PLEK: variants seen among roughly 807,000 people sequenced by gnomAD.
PLEK encodes the protein platelet 47 kDa protein.
In PLEK, 25 loss-of-function variants were observed where a neutral mutation model predicts 43.9. The ratio of observed to expected loss-of-function variants is 0.57; its 90% CI spans 0.41 to 0.79. PLEK has a LOEUF of 0.79. Ranked by LOEUF, PLEK falls within the 30% of genes least tolerant of loss-of-function variation. The probability of loss-of-function intolerance (pLI) is 0.00; values close to 1 mark genes in which losing one functional copy is unlikely to be tolerated. For synonymous variants in PLEK, 152 were observed against 144.4 expected (o/e 1.05, Z -0.38); for missense variants, 396 against 413.3 (o/e 0.96, Z 0.36).
chr2:68,373,852 T>C (rs1673454027), intron 1 of PLEK, among the ~76,000 whole-genome samples: 1 of 152,232 alleles, frequency 6.6e-6, no homozygotes, highest in Non-Finnish European at 1.5e-5. Flanking sequence ...TATTTCCAGG[T>C]ATTTTTAAAA....
chr2:68,371,339 T>C (rs939964796), intron 1 of PLEK, among the ~76,000 whole-genome samples: 1 of 152,202 alleles, frequency 6.6e-6, no homozygotes, highest in Non-Finnish European at 1.5e-5. Flanking sequence ...CTTTATGGGC[T>C]AAAACCTAGT....
intron 3 of PLEK, 112 bp from the exon 4 acceptor site, chr2:68,382,430 G>C: frequency 1.6e-6 from 1 of 642,408 alleles, no homozygotes. Context: ...CCTGGGGTGG[G>C]GGAGCTTGTG....
chr2:68,374,976 T>C (rs1047026634), intron 1 of PLEK, among the ~76,000 whole-genome samples: 16 of 152,228 alleles, frequency 1.1e-4, no homozygotes, highest in Admixed American at 6.5e-4. Flanking sequence ...CTGGCTATGA[T>C]GAATAAAGGT....
intron 6 of PLEK, among the ~76,000 whole-genome samples, chr2:68,392,856 A>C (rs1306692601): frequency 6.8e-6 from 1 of 147,204 alleles, no homozygotes; most frequent in Non-Finnish European, 1.5e-5. Context: ...AAACCTCTTT[A>C]TTCCCCCTAC....
At chr2:68,371,694 A>G (rs72892072) in intron 1 of PLEK, among the ~76,000 whole-genome samples, 3,524 of 152,304 alleles carry the variant, frequency 0.023, 68 homozygotes, top group Admixed American at 0.069. Context: ...ATCCAGCTCC[A>G]GAGCCCATGG....
At chr2:68,394,324 C>G in intron 8 of PLEK, 148 bp downstream of exon 8, 1 of 659,662 alleles carries the variant, frequency 1.5e-6, no homozygotes, top group Non-Finnish European at 2.8e-6. Context: ...GTAATCCCGG[C>G]ACTTTGGGAG....
intron 1 of PLEK, among the ~76,000 whole-genome samples, chr2:68,369,056 G>A (rs974344043): frequency 5.9e-5 from 9 of 152,192 alleles, no homozygotes; most frequent in African/African-American, 2.2e-4. Flanking sequence ...CTTCTAGGCA[G>A]CATGAAATAA....
At chr2:68,373,612 C>G (rs1673450333) in intron 1 of PLEK, among the ~76,000 whole-genome samples, 1 of 151,482 alleles carries the variant, frequency 6.6e-6, no homozygotes. Context: ...AAAGCACAAA[C>G]TCATATTGGA....
intron 4 of PLEK, among the ~76,000 whole-genome samples, chr2:68,383,956 T>TGTGG (rs1673683905): frequency 6.6e-6 from 1 of 152,096 alleles, no homozygotes; most frequent in African/African-American, 2.4e-5. Context: ...GACACCAAGC[T>TGTGG]GTGGGTGGTG....
rs758764171 is a variant in PLEK at position 68,393,258 on chromosome 2, G to T, written c.846+13G>T. The T allele has an allele frequency of 3.3e-6, 5 of 1,537,594 alleles. No homozygotes were observed. In the Admixed American group the frequency reaches 8.4e-5, roughly 26 times the overall value. Reference sequence around the variant, plus strand: ...TGACCCTGCTGGGGTAAGGTCCTGTGGTTCATAAATCCATTCAAATAAATA... The same window carrying T: ...TGACCCTGCTGGGGTAAGGTCCTGTTGTTCATAAATCCATTCAAATAAATA... On this transcript the variant is annotated intron_variant, in intron 7 of 8. Coordinates refer to ENST00000234313, the MANE Select transcript of PLEK (RefSeq NM_002664.3).
At chr2:68,392,303 A>T (rs545624421) in intron 6 of PLEK, among the ~76,000 whole-genome samples, 1 of 150,620 alleles carries the variant, frequency 6.6e-6, no homozygotes, top group Non-Finnish European at 1.5e-5. Context: ...TAATGATTTT[A>T]TGCCTGGATT....
intron 6 of PLEK, among the ~76,000 whole-genome samples, chr2:68,389,834 T>C (rs965544143): frequency 2.6e-5 from 4 of 152,166 alleles, no homozygotes; most frequent in Non-Finnish European, 2.9e-5. Flanking sequence ...TTCTCGTTGG[T>C]TTTGCCAAAT....
chr2:68,365,965 G>A (rs953833317), intron 1 of PLEK, among the ~76,000 whole-genome samples: 1 of 151,980 alleles, frequency 6.6e-6, no homozygotes, highest in Non-Finnish European at 1.5e-5. Flanking sequence ...GCATAATGTG[G>A]CATCGAGGTG....
At chr2:68,369,761 T>C (rs1465962809) in intron 1 of PLEK, among the ~76,000 whole-genome samples, 1 of 152,170 alleles carries the variant, frequency 6.6e-6, no homozygotes, top group East Asian at 1.9e-4. Context: ...ATAAGTTACC[T>C]AAGGTTACAG....
At chr2:68,393,384 T>C (rs1673898689) in intron 7 of PLEK, 139 bp downstream of exon 7, 3 of 635,164 alleles carry the variant, frequency 4.7e-6, no homozygotes, top group African/African-American at 1.8e-5. Context: ...CCCATTCTCC[T>C]CTACCTTTTT....
chr2:68,393,786 G>C (rs921963752), intron 7 of PLEK, among the ~76,000 whole-genome samples: 2 of 152,174 alleles, frequency 1.3e-5, no homozygotes, highest in Admixed American at 1.3e-4. Context: ...TGGGACCAAA[G>C]AGCTCTGGAA....
chr2:68,383,959 G>A (rs1343270649), intron 4 of PLEK, among the ~76,000 whole-genome samples: 2 of 152,146 alleles, frequency 1.3e-5, no homozygotes, highest in Admixed American at 6.5e-5. Context: ...ACCAAGCTGT[G>A]GGTGGTGGTA....
chr2:68,395,964 T>C lies in PLEK; in HGVS notation c.*148T>C. On this transcript the variant is annotated 3_prime_UTR_variant, in exon 9 of 9. Coordinates refer to ENST00000234313, the MANE Select transcript of PLEK (RefSeq NM_002664.3). ...AGGGGGGTCTGAATGTAACTCACCA[T>C]GTGGTGTGCAAGGTTCCCCTGCATT... The C allele has an allele frequency of 1.5e-6, 1 of 685,498 alleles. No homozygotes were observed. The highest frequency in any genetic ancestry group is 2.7e-5 in the East Asian group (1 of 36,628). The allele number at this position is 685,498 out of a possible 1,614,324, so 42.5% of individuals were successfully genotyped here. A position where few individuals can be genotyped will look rare whatever the true frequency, so the allele number is the denominator to read the frequency against.
chr2:68,380,639 G>T, intron 2 of PLEK, 84 bp from the exon 3 acceptor site: 2 of 1,482,324 alleles, frequency 1.3e-6, no homozygotes, highest in Admixed American at 1.9e-5. Flanking sequence ...GCTAGAAGAG[G>T]TTTAGGCCAA....
Sources: allele counts gnomAD v4.1 joint callset (sites outside exome capture counted in the v4.1 genomes callset), GRCh38; gene constraint gnomAD v4.1.1; transcripts MANE v1.5; gene names NCBI Gene and HGNC (gene_info 2026-07-23, HGNC 2026-07-21).